MAP2K4: variants seen among roughly 807,000 people sequenced by gnomAD.
The protein encoded by MAP2K4 is mitogen-activated protein kinase kinase 4, also known as dual specificity mitogen-activated protein kinase kinase 4.
MAP2K4 carries 4 observed loss-of-function variants against 48.5 expected under a neutral mutation model. That is an observed-to-expected ratio of 0.08 (90% CI 0.04 to 0.19). The LOEUF (loss-of-function observed/expected upper bound fraction) is 0.19, where lower values mean the gene tolerates loss of function less well. Ranked by LOEUF, MAP2K4 falls within the 10% of genes least tolerant of loss-of-function variation. MAP2K4 has a pLI of 1.00. For synonymous variants in MAP2K4, 166 were observed against 173.1 expected, an observed-to-expected ratio of 0.96 and a Z score of 0.32; for missense variants, 258 against 493.3, an observed-to-expected ratio of 0.52 and a Z score of 4.52.
At chr17:12,034,010 C>T (rs539001442) in intron 1 of MAP2K4, among the ~76,000 whole-genome samples, 94 of 152,190 alleles carry the variant, frequency 6.2e-4, no homozygotes, top group African/African-American at 2.1e-3. Flanking sequence ...AGGCTGGTCT[C>T]GAACTCCTGG....
In MAP2K4 at chr17:12,141,356, A is replaced by G; in HGVS notation, c.*96A>G. ...ATCACAGTGTTTTTATTGCTCGCCC[A>G]GACACCATGTGCAATAAGATTGGTG... On this transcript the variant is annotated 3_prime_UTR_variant, in exon 11 of 11. Coordinates refer to ENST00000353533, the MANE Select transcript of MAP2K4 (RefSeq NM_003010.4). 1.2e-6 allele frequency: 1 copy of G among 847,256 alleles called. No individual in the cohort carries two copies. Among genetic ancestry groups the G allele is most frequent in the Admixed American group, 1.8e-5 (1 of 56,210 alleles). 52.5% of individuals were successfully genotyped at this position (847,256 alleles called of 1,614,324 possible). A position where few individuals can be genotyped will look rare whatever the true frequency, so the allele number is the denominator to read the frequency against.
At chr17:12,082,306 T>G (rs1481431715) in intron 3 of MAP2K4, among the ~76,000 whole-genome samples, 1 of 152,142 alleles carries the variant, frequency 6.6e-6, no homozygotes, top group Non-Finnish European at 1.5e-5. Context: ...CTTTGCTGTA[T>G]GTAAGATATT....
At chr17:12,026,928 A>G (rs1969270400) in intron 1 of MAP2K4, 2 of 152,228 alleles carry the variant, frequency 1.3e-5, no homozygotes, top group African/African-American at 4.8e-5. Flanking sequence ...TCTCCAAGTA[A>G]GTAGAAGACT....
At chr17:12,041,500 A>G (rs539140581) in intron 1 of MAP2K4, among the ~76,000 whole-genome samples, 3 of 152,374 alleles carry the variant, frequency 2.0e-5, no homozygotes, top group African/African-American at 7.2e-5. Context: ...GACTCATGGC[A>G]GTTAAAAATG....
At chr17:12,080,210 A>T (rs1971145417) in intron 2 of MAP2K4, among the ~76,000 whole-genome samples, 1 of 152,218 alleles carries the variant, frequency 6.6e-6, no homozygotes, top group Non-Finnish European at 1.5e-5. Context: ...ATTGGAGAAA[A>T]CTTTCCTAAA....
Position 12,143,437 on chromosome 17 carries a change from A to G in MAP2K4, c.*2177A>G, listed in dbSNP as rs560013150. ...AACAAAAGGGTGTATAGTGTTCACA[A>G]ACTGTGAAAATAGTGTAAGAACTGT... On this transcript the variant is annotated 3_prime_UTR_variant, in exon 11 of 11. Coordinates refer to ENST00000353533, the MANE Select transcript of MAP2K4 (RefSeq NM_003010.4). 3.2e-4 allele frequency: 75 copies of G among 232,636 alleles called. No homozygotes were observed. In the East Asian group the frequency reaches 4.6e-3, roughly 14 times the overall value. The allele number at this position is 232,636 out of a possible 1,614,324, so 14.4% of individuals were successfully genotyped here.
intron 9 of MAP2K4, among the ~76,000 whole-genome samples, chr17:12,135,623 C>T (rs979443186): frequency 6.6e-6 from 1 of 152,162 alleles, no homozygotes; most frequent in African/African-American, 2.4e-5. Context: ...GATCTTGGCT[C>T]ACTGCAGCCT....
chr17:12,135,482 TC>T (rs1973175166), intron 9 of MAP2K4, among the ~76,000 whole-genome samples: 1 of 152,256 alleles, frequency 6.6e-6, no homozygotes, highest in Non-Finnish European at 1.5e-5. Flanking sequence ...TCCTCCTGCC[TC>T]GGCTTCCCGG....
At position 12,109,321 on chromosome 17, in the gene MAP2K4, TAAGTC is replaced by T. The variant is rs1290482898; in HGVS notation, c.634-1050_634-1046del. Among the ~76,000 whole-genome samples, 10 of 152,330 alleles carry T rather than the reference TAAGTC, an allele frequency of 6.6e-5. No individual in the cohort carries two copies. The East Asian group carries it at 1.9e-3, about 29-fold the overall frequency. On this transcript the variant is annotated intron_variant, in intron 5 of 10. Coordinates refer to ENST00000353533, the MANE Select transcript of MAP2K4 (RefSeq NM_003010.4). ...AAAAATGATTTATTCCATATTTGCC[TAAGTC>T]AAGACTTGGTGATCACTTTATATAT... is the stretch of plus-strand genomic sequence containing the variant.
intron 1 of MAP2K4, among the ~76,000 whole-genome samples, chr17:12,052,816 G>A (rs569241497): frequency 1.3e-5 from 2 of 152,126 alleles, no homozygotes; most frequent in South Asian, 2.1e-4. Context: ...GTAATTAATA[G>A]GTTCAAGTTC....
At chr17:12,098,639 T>C (rs1209125496) in intron 4 of MAP2K4, among the ~76,000 whole-genome samples, 2 of 152,096 alleles carry the variant, frequency 1.3e-5, no homozygotes, top group Non-Finnish European at 2.9e-5. Flanking sequence ...GTTCCAATAA[T>C]AGACACAAAA....
chr17:12,114,436 G>A (rs973528245), intron 7 of MAP2K4, among the ~76,000 whole-genome samples: 1 of 151,292 alleles, frequency 6.6e-6, no homozygotes, highest in Non-Finnish European at 1.5e-5. Flanking sequence ...AACCTGTGTG[G>A]TAAGACCTTT....
intron 2 of MAP2K4, among the ~76,000 whole-genome samples, chr17:12,066,229 A>C (rs894467666): frequency 6.6e-6 from 1 of 152,072 alleles, no homozygotes; most frequent in East Asian, 1.9e-4. Context: ...CCCTTTAAAA[A>C]ATCAGTAGTA....
chr17:12,140,407 G>GT (rs1450981172), intron 10 of MAP2K4, among the ~76,000 whole-genome samples: 3 of 152,296 alleles, frequency 2.0e-5, no homozygotes, highest in African/African-American at 7.2e-5. Flanking sequence ...AGATCCATTT[G>GT]TTTGTCACAT....
chr17:12,078,665 C>T (rs1318873282), intron 2 of MAP2K4, among the ~76,000 whole-genome samples: 2 of 152,092 alleles, frequency 1.3e-5, no homozygotes, highest in Admixed American at 6.5e-5. Context: ...GGCAACTTTA[C>T]ATCTTTATTG....
At chr17:12,027,404 A>G (rs973111527) in intron 1 of MAP2K4, among the ~76,000 whole-genome samples, 2 of 152,150 alleles carry the variant, frequency 1.3e-5, no homozygotes, top group Non-Finnish European at 2.9e-5. Context: ...GCTATATTGT[A>G]TTTCATTTTA....
intron 7 of MAP2K4, among the ~76,000 whole-genome samples, chr17:12,122,794 A>G (rs1972734112): frequency 6.6e-6 from 1 of 152,202 alleles, no homozygotes; most frequent in Admixed American, 6.5e-5. Flanking sequence ...CCCTTTATGG[A>G]AATGAAGATG....
intron 7 of MAP2K4, among the ~76,000 whole-genome samples, chr17:12,122,849 T>C (rs1972735127): frequency 6.6e-6 from 1 of 152,200 alleles, no homozygotes; most frequent in Admixed American, 6.5e-5. Flanking sequence ...TATTAGTGGG[T>C]TTTACATTTT....
chr17:12,104,711 T>C (rs1972049291), intron 4 of MAP2K4, among the ~76,000 whole-genome samples: 1 of 152,142 alleles, frequency 6.6e-6, no homozygotes, highest in African/African-American at 2.4e-5. Context: ...ACTTTTGGTA[T>C]GTTGTCCTTG....
Sources: gnomAD v4.1 joint callset for allele counts (sites outside exome capture counted in the v4.1 genomes callset) on GRCh38, gnomAD v4.1.1 for gene constraint, MANE v1.5 for transcripts, NCBI Gene and HGNC (gene_info 2026-07-23, HGNC 2026-07-21) for gene names.